LAMB1: variants seen among roughly 807,000 people sequenced by gnomAD.
The protein encoded by LAMB1 is laminin subunit beta-1.
In LAMB1, 121 loss-of-function variants were observed where a neutral mutation model predicts 222.3. The observed-to-expected ratio is 0.54, with a 90% CI of 0.47 to 0.63. LAMB1 has a LOEUF of 0.63. Ranked by LOEUF, LAMB1 falls within the 30% of genes least tolerant of loss-of-function variation. LAMB1 has a pLI of 0.00. For missense variants in LAMB1, 2,172 were observed against 2,240.8 expected (o/e 0.97, Z 0.62); for synonymous variants, 794 against 807.2 (o/e 0.98, Z 0.28).
chr7:107,925,614 T>C (rs1279491522), intron 32 of LAMB1, among the ~76,000 whole-genome samples: 1 of 152,216 alleles, frequency 6.6e-6, no homozygotes, highest in African/African-American at 2.4e-5. Flanking sequence ...ATTGAGAAAC[T>C]GAACATGTGT....
chr7:108,002,442 GT>G lies in LAMB1; in HGVS notation c.37+406del, dbSNP rs1004480343. 1.2e-5 allele frequency: 16 copies of G among 1,303,158 alleles called. No homozygotes were observed. The African/African-American group carries it at 1.8e-4, about 15-fold the overall frequency. The allele number at this position is 1,303,158 out of a possible 1,614,324, so 80.7% of individuals were successfully genotyped here. A position where few individuals can be genotyped will look rare whatever the true frequency, so the allele number is the denominator to read the frequency against. On this transcript the variant is annotated intron_variant, in intron 2 of 33. Coordinates refer to ENST00000222399, the MANE Select transcript of LAMB1 (RefSeq NM_002291.3). The stretch of plus-strand genomic sequence containing the variant: ...AATTAAAGCCACATGGCCCCCATCT[GT>G]TCCCAGAATGAAGCCTCCGCTCAGC...
chr7:108,002,188 G>A (rs1033660240), intron 2 of LAMB1: 5 of 1,392,604 alleles, frequency 3.6e-6, no homozygotes, highest in African/African-American at 1.4e-5. Flanking sequence ...GTGTGCGCGT[G>A]GAGATCTGTG....
intron 15 of LAMB1, 82 bp from the exon 16 acceptor site, chr7:107,961,758 GC>G: frequency 6.9e-7 from 1 of 1,446,190 alleles, no homozygotes; most frequent in South Asian, 1.2e-5. Context: ...TCAATCAATT[GC>G]CAAGTTGAAA....
chr7:107,957,958 A>G (rs954588268), intron 20 of LAMB1, among the ~76,000 whole-genome samples: 1 of 152,224 alleles, frequency 6.6e-6, no homozygotes, highest in Admixed American at 6.5e-5. Flanking sequence ...CTGGTCACAG[A>G]TATCAACTAT....
chr7:107,925,800 A>G (rs1217402966), intron 32 of LAMB1, among the ~76,000 whole-genome samples: 35 of 152,026 alleles, frequency 2.3e-4, no homozygotes, highest in Non-Finnish European at 5.9e-5. Context: ...AAATATTCTC[A>G]AATGGCCTGA....
intron 13 of LAMB1, among the ~76,000 whole-genome samples, chr7:107,968,758 C>G (rs773026909): frequency 1.2e-3 from 190 of 152,254 alleles, no homozygotes; most frequent in Middle Eastern, 6.8e-3. Context: ...CAGAATCCTG[C>G]CAACAACCCA....
Position 107,929,747 on chromosome 7 carries a change from GT to G in LAMB1, c.4538-129del, listed in dbSNP as rs2032660836. ...ACACACCAAGAGACACTAACTTCCTGTTTAAGAGTTTATAATCTATCTGGGA... is the reference window on the plus strand; with the variant it reads ...ACACACCAAGAGACACTAACTTCCTGTTAAGAGTTTATAATCTATCTGGGA... On this transcript the variant is annotated intron_variant, in intron 29 of 33. Coordinates refer to ENST00000222399, the MANE Select transcript of LAMB1 (RefSeq NM_002291.3). 4.3e-6 allele frequency: 3 copies of G among 698,472 alleles called. No homozygotes were observed. The South Asian group carries it at 5.4e-5, about 13-fold the overall frequency. 43.3% of individuals were successfully genotyped at this position (698,472 alleles called of 1,614,324 possible).
At chr7:107,955,670 G>A in intron 20 of LAMB1, 40 bp from the exon 21 acceptor site, 1 of 1,551,866 alleles carries the variant, frequency 6.4e-7, no homozygotes, top group South Asian at 1.2e-5. Context: ...TGACCCCACA[G>A]TTCTAAGAAA....
rs12111708 is a variant in LAMB1, at chr7:107,930,074, C to T, written c.4538-455G>A. ...ATGAAATCTTTTAATTGAGGTTGGACGAATAGCTCAGAAACTTGTGAATGC... is the reference window on the plus strand; with the variant it reads ...ATGAAATCTTTTAATTGAGGTTGGATGAATAGCTCAGAAACTTGTGAATGC... On this transcript the variant is annotated intron_variant, in intron 29 of 33. Coordinates refer to ENST00000222399, the MANE Select transcript of LAMB1 (RefSeq NM_002291.3). The T allele has an allele frequency of 8.0e-3, 1,303 of 161,900 alleles. 17 individuals carry two copies. Among genetic ancestry groups the T allele is most frequent in the African/African-American group, 0.03 (1,235 of 41,550 alleles). The allele number at this position is 161,900 out of a possible 1,614,324, so 10.0% of individuals were successfully genotyped here. A position where few individuals can be genotyped will look rare whatever the true frequency, so the allele number is the denominator to read the frequency against.
chr7:107,993,353 T>A (rs896868385), intron 5 of LAMB1, among the ~76,000 whole-genome samples: 1 of 152,150 alleles, frequency 6.6e-6, no homozygotes, highest in African/African-American at 2.4e-5. Context: ...AGGCTGGTCT[T>A]GAACTCCTGA....
intron 28 of LAMB1, 123 bp from the exon 29 acceptor site, chr7:107,931,623 A>G (rs531865145): frequency 2.5e-5 from 23 of 913,008 alleles, no homozygotes; most frequent in South Asian, 5.8e-5. Context: ...TGTCTGGGAA[A>G]CAACTTTCTC....
chr7:107,988,272 A>G (rs565299239), intron 5 of LAMB1, among the ~76,000 whole-genome samples: 1 of 152,310 alleles, frequency 6.6e-6, no homozygotes, highest in Admixed American at 6.5e-5. Context: ...GAGGCGTGAA[A>G]GCATTTGGTT....
At position 107,978,098 on chromosome 7, in the gene LAMB1, G is replaced by T; in HGVS notation, c.949C>A (p.His317Asn). 6.2e-7 allele frequency: 1 copy of T among 1,614,068 alleles called. No homozygotes were observed. The highest frequency in any genetic ancestry group is 8.5e-7 in the Non-Finnish European group (1 of 1,179,970). The change falls in exon 9 of 34, where the codon CAT becomes AAT. Residue 317 changes from histidine to asparagine, a missense_variant. Physicochemically the swap from His to Asn is moderately conservative, Grantham distance 68. Transcript: ENST00000222399. ...TCAGCAGGTCTCCAAGGTAAATCAT[G>T]GTAGAAATCCATGCAGAGTTCACAG... ...LNCELCMDFY[H>N]DLPWRPAEGR... is the part of the protein sequence containing the mutation.
intron 20 of LAMB1, among the ~76,000 whole-genome samples, 195 bp downstream of exon 20, chr7:107,959,054 G>C (rs930798562): frequency 6.6e-6 from 1 of 152,294 alleles, no homozygotes; most frequent in African/African-American, 2.4e-5. Flanking sequence ...TCCAGCACCA[G>C]AACGGTGCCT....
At chr7:107,975,607 T>A (rs2033837181) in intron 10 of LAMB1, 82 bp downstream of exon 10, 6 of 1,381,900 alleles carry the variant, frequency 4.3e-6, no homozygotes, top group Non-Finnish European at 6.0e-6. Context: ...GCTCATACTA[T>A]GAGCTCTGAG....
At chr7:107,956,620 G>A (rs933192629) in intron 20 of LAMB1, among the ~76,000 whole-genome samples, 2 of 152,206 alleles carry the variant, frequency 1.3e-5, no homozygotes, top group Non-Finnish European at 2.9e-5. Context: ...CCTCCTAGGC[G>A]GGGCTTATAC....
At chr7:107,937,010 T>G in intron 26 of LAMB1, 83 bp downstream of exon 26, 1 of 1,161,824 alleles carries the variant, frequency 8.6e-7, no homozygotes, top group South Asian at 1.7e-5. Flanking sequence ...AAACTTTTTT[T>G]TTTCCCCAAA....
chr7:107,947,927 A>G (rs2033152736), intron 24 of LAMB1, among the ~76,000 whole-genome samples: 1 of 151,520 alleles, frequency 6.6e-6, no homozygotes, highest in Non-Finnish European at 1.5e-5. Context: ...AAGGAGAGAC[A>G]GTATCTACTT....
intron 29 of LAMB1, 94 bp from the exon 30 acceptor site, chr7:107,929,713 G>A: frequency 1.0e-6 from 1 of 990,556 alleles, no homozygotes; most frequent in Non-Finnish European, 1.6e-6. Flanking sequence ...GGACTAGCAT[G>A]GTGGGGTTAC....
Sources: allele counts gnomAD v4.1 joint callset (sites outside exome capture counted in the v4.1 genomes callset), GRCh38; gene constraint gnomAD v4.1.1; transcripts MANE v1.5; gene names NCBI Gene and HGNC (gene_info 2026-07-23, HGNC 2026-07-21).